ZNF385B: variants seen among roughly 807,000 people sequenced by gnomAD.
The protein encoded by ZNF385B is zinc finger protein 385B, also known as zinc finger protein 533.
ZNF385B carries 23 observed loss-of-function variants against 39.2 expected under a neutral mutation model. The observed-to-expected ratio is 0.59, with a 90% CI of 0.42 to 0.83. The LOEUF is 0.83. Ranked by LOEUF, ZNF385B falls within the 40% of genes least tolerant of loss-of-function variation. The pLI, the probability that ZNF385B is intolerant of heterozygous loss-of-function variation, is 0.00. For missense variants in ZNF385B, 552 were observed against 598.9 expected (o/e 0.92, Z 0.82); for synonymous variants, 205 against 222.6 (o/e 0.92, Z 0.70).
intron 1 of ZNF385B, among the ~76,000 whole-genome samples, chr2:179,818,827 A>T (rs144093156): frequency 0.011 from 1,718 of 152,232 alleles, 108 homozygotes; most frequent in Admixed American, 0.1. Context: ...AATGCTCATC[A>T]GATTTTATAA....
chr2:179,826,241 G>A (rs1707676000), intron 1 of ZNF385B, among the ~76,000 whole-genome samples: 1 of 152,184 alleles, frequency 6.6e-6, no homozygotes, highest in Non-Finnish European at 1.5e-5. Context: ...TTTTCGAAAG[G>A]TATCGGGAAG....
Position 179,826,346 on chromosome 2 carries a change from T to C in ZNF385B, c.-155+34755A>G, listed in dbSNP as rs79110119. Among the ~76,000 whole-genome samples the C allele has an allele frequency of 2.6e-3, 403 of 152,284 alleles. 1 individual carries two copies. The highest frequency in any genetic ancestry group is 8.3e-3 in the South Asian group (40 of 4,830). On this transcript the variant is annotated intron_variant, in intron 1 of 9. Transcript: ENST00000410066. ...AACAACAACAAAGCATGCAAGAGCT[T>C]TGATGCCCTCACGGGTTTTCTTCAG...
chr2:179,505,638 T>C (rs571306599), intron 5 of ZNF385B, among the ~76,000 whole-genome samples: 1 of 152,114 alleles, frequency 6.6e-6, no homozygotes, highest in Non-Finnish European at 1.5e-5. Flanking sequence ...TTATTGAAGA[T>C]AAAAAGGAAA....
At chr2:179,673,954 G>A (rs1395358000) in intron 3 of ZNF385B, among the ~76,000 whole-genome samples, 1 of 152,102 alleles carries the variant, frequency 6.6e-6, no homozygotes, top group African/African-American at 2.4e-5. Context: ...AAAATGAAAT[G>A]TTTGATATAA....
intron 3 of ZNF385B, among the ~76,000 whole-genome samples, chr2:179,549,817 C>A: frequency 6.7e-6 from 1 of 149,150 alleles, no homozygotes; most frequent in East Asian, 1.9e-4. Flanking sequence ...CAGCCCCATC[C>A]ATTAGGGAAG....
At chr2:179,650,474 G>T (rs2106245292) in intron 3 of ZNF385B, among the ~76,000 whole-genome samples, 1 of 152,182 alleles carries the variant, frequency 6.6e-6, no homozygotes, top group South Asian at 2.1e-4. Context: ...TCAAGATAAG[G>T]GATACTTGGA....
intron 3 of ZNF385B, among the ~76,000 whole-genome samples, chr2:179,685,700 A>T (rs1284636665): frequency 1.3e-5 from 2 of 152,030 alleles, no homozygotes; most frequent in Non-Finnish European, 2.9e-5. Flanking sequence ...AGTGCTAAAA[A>T]AAAAAATAAA....
chr2:179,742,732 T>C (rs1702153512), intron 3 of ZNF385B, among the ~76,000 whole-genome samples: 1 of 152,012 alleles, frequency 6.6e-6, no homozygotes, highest in Non-Finnish European at 1.5e-5. Flanking sequence ...TTGCCCAAAT[T>C]ATTGTTGGAT....
chr2:179,477,584 G>A (rs1380342274), intron 6 of ZNF385B, among the ~76,000 whole-genome samples: 9 of 152,140 alleles, frequency 5.9e-5, no homozygotes, highest in African/African-American at 1.2e-4. Context: ...AATGGGGAGC[G>A]TGTTCAAGAG....
chr2:179,634,160 A>G (rs1441519991), intron 3 of ZNF385B, among the ~76,000 whole-genome samples: 1 of 152,222 alleles, frequency 6.6e-6, no homozygotes, highest in Non-Finnish European at 1.5e-5. Flanking sequence ...CAAGGACTTC[A>G]TGACTAAAAC....
chr2:179,725,908 G>GTATATATA (rs200614511), intron 3 of ZNF385B, among the ~76,000 whole-genome samples: 22 of 111,090 alleles, frequency 2.0e-4, no homozygotes, highest in East Asian at 6.2e-4. Context: ...GTGTTTGTGT[G>GTATATATA]TGTATATATA....
At chr2:179,525,752 T>C (rs751432348) in intron 4 of ZNF385B, among the ~76,000 whole-genome samples, 1 of 152,202 alleles carries the variant, frequency 6.6e-6, no homozygotes, top group Non-Finnish European at 1.5e-5. Flanking sequence ...GATGTGACCA[T>C]AGGGTCTCAA....
chr2:179,551,226 ACTT>A (rs1242710406), intron 3 of ZNF385B, among the ~76,000 whole-genome samples: 1 of 152,122 alleles, frequency 6.6e-6, no homozygotes, highest in Non-Finnish European at 1.5e-5. Flanking sequence ...TATTTATCAA[ACTT>A]CCTGTACTAA....
intron 3 of ZNF385B, among the ~76,000 whole-genome samples, chr2:179,590,930 T>C (rs1206529686): frequency 6.6e-6 from 1 of 152,138 alleles, no homozygotes; most frequent in East Asian, 1.9e-4. Flanking sequence ...TCAGGTAGTA[T>C]CTTTATAGCA....
At chr2:179,848,000 A>T (rs1405576678) in intron 1 of ZNF385B, among the ~76,000 whole-genome samples, 4 of 152,188 alleles carry the variant, frequency 2.6e-5, no homozygotes, top group African/African-American at 7.2e-5. Flanking sequence ...TAGCTCTAGA[A>T]AGAAGCATGA....
At chr2:179,527,508 G>A (rs993725672) in intron 4 of ZNF385B, among the ~76,000 whole-genome samples, 19 of 148,272 alleles carry the variant, frequency 1.3e-4, no homozygotes, top group Non-Finnish European at 2.5e-4. Flanking sequence ...AAAGAAGACT[G>A]AACTCTGTAT....
intron 6 of ZNF385B, among the ~76,000 whole-genome samples, chr2:179,471,399 C>T (rs2052761833): frequency 6.6e-6 from 1 of 152,102 alleles, no homozygotes; most frequent in Non-Finnish European, 1.5e-5. Flanking sequence ...TGTGGACTTC[C>T]AAGAGGCCCA....
At chr2:179,752,702 T>C (rs1407975941) in intron 3 of ZNF385B, among the ~76,000 whole-genome samples, 2 of 152,084 alleles carry the variant, frequency 1.3e-5, no homozygotes, top group African/African-American at 4.8e-5. Context: ...TGAGCATTTT[T>C]TCATTTGTCT....
intron 3 of ZNF385B, among the ~76,000 whole-genome samples, chr2:179,767,187 G>A (rs1208439690): frequency 6.6e-6 from 1 of 152,186 alleles, no homozygotes; most frequent in African/African-American, 2.4e-5. Context: ...GACTCTCAAT[G>A]CCTAAGGGAC....
Sources: gnomAD v4.1 joint callset for allele counts (sites outside exome capture counted in the v4.1 genomes callset) on GRCh38, gnomAD v4.1.1 for gene constraint, MANE v1.5 for transcripts, NCBI Gene and HGNC (gene_info 2026-07-23, HGNC 2026-07-21) for gene names.